ARHGAP12: variants seen among roughly 807,000 people sequenced by gnomAD.
The protein encoded by ARHGAP12 is Rho GTPase activating protein 12.
A neutral mutation model predicts 108.6 loss-of-function variants in ARHGAP12; 64 were observed. That is an observed-to-expected ratio of 0.59 (90% CI 0.48 to 0.73). The LOEUF (loss-of-function observed/expected upper bound fraction) is 0.73, where lower values mean the gene tolerates loss of function less well. ARHGAP12 is among the 30% of genes least tolerant of loss of function. ARHGAP12 has a pLI of 0.00. For synonymous variants in ARHGAP12, 312 were observed against 337.2 expected (o/e 0.93, Z 0.82); for missense variants, 940 against 1,005.9 (o/e 0.93, Z 0.89).
chr10:31,836,936 A>C (rs960413782), intron 9 of ARHGAP12, among the ~76,000 whole-genome samples: 4 of 152,064 alleles, frequency 2.6e-5, no homozygotes, highest in African/African-American at 9.7e-5. Flanking sequence ...TGTTTTTTTC[A>C]CCTAAAGGTA....
At position 31,922,180 on chromosome 10, in the gene ARHGAP12, CAAAAAAAAAAAAAAAAAA is replaced by C. The variant is rs56210740; in HGVS notation, c.-111+6485_-111+6502del. On this transcript the variant is annotated intron_variant, in intron 1 of 19. Transcript: ENST00000344936. ...TGGGAGACAGAGCAAGACCCTGCCTCAAAAAAAAAAAAAAAAAAAAAAAAAAAAAAAAAAAAAAGCACA... is the reference window on the plus strand; with the variant it reads ...TGGGAGACAGAGCAAGACCCTGCCTCAAAAAAAAAAAAAAAAAAAAGCACA... 3.9e-3 allele frequency among the ~76,000 whole-genome samples: 255 copies of C among 66,120 alleles called. 3 individuals are homozygous for C. Among genetic ancestry groups the C allele is most frequent in the African/African-American group, 7.0e-3 (110 of 15,614 alleles). 43.4% of individuals were successfully genotyped at this position (66,120 alleles called of 152,430 possible).
At chr10:31,892,360 A>G (rs1281886962) in intron 3 of ARHGAP12, among the ~76,000 whole-genome samples, 1 of 152,198 alleles carries the variant, frequency 6.6e-6, no homozygotes, top group Non-Finnish European at 1.5e-5. Flanking sequence ...TGTATTCAGG[A>G]GACCCAACTC....
rs372208537 is a variant in ARHGAP12 at position 31,852,516 on chromosome 10, C to T, written c.1170+1G>A. 8 of 1,602,080 alleles carry T rather than the reference C, an allele frequency of 5.0e-6. No individual in the cohort carries two copies. The Admixed American group carries it at 8.3e-5, about 17-fold the overall frequency. On this transcript the variant is annotated splice_donor_variant, in intron 6 of 19. Transcript: ENST00000344936. LOFTEE classifies it high-confidence loss of function. ...AGAAATTCGGTGTCAAGGTTTATTA[C>T]CTTTGGCAATTCCCATTCTGACCGA...
At position 31,807,089 on chromosome 10, in the gene ARHGAP12, C is replaced by T. The variant is rs1834844767; in HGVS notation, c.*569G>A. 1 of 152,566 alleles carries T rather than the reference C, an allele frequency of 6.6e-6. No individual in the cohort carries two copies. The highest frequency in any genetic ancestry group is 1.9e-4 in the East Asian group (1 of 5,202). The allele number at this position is 152,566 out of a possible 1,614,324, so 9.5% of individuals were successfully genotyped here. ...GCAACTAAGATATCCAGTAAGGATG[C>T]TGTGTAACACAGTAAAAGACAGCAA... On this transcript the variant is annotated 3_prime_UTR_variant, in exon 20 of 20. Coordinates refer to ENST00000344936, the MANE Select transcript of ARHGAP12 (RefSeq NM_018287.7).
chr10:31,833,672 G>A (rs974331681), intron 9 of ARHGAP12, among the ~76,000 whole-genome samples: 6 of 152,192 alleles, frequency 3.9e-5, no homozygotes, highest in African/African-American at 7.2e-5. Context: ...CCCATGCAAT[G>A]TGATACATGC....
intron 3 of ARHGAP12, among the ~76,000 whole-genome samples, chr10:31,872,791 C>T (rs148578335): frequency 3.9e-4 from 60 of 152,274 alleles, no homozygotes; most frequent in African/African-American, 1.4e-3. Flanking sequence ...CTCTTAAGTA[C>T]TCCAGTCCCA....
chr10:31,910,179 T>G (rs913985462), intron 2 of ARHGAP12, among the ~76,000 whole-genome samples: 4 of 152,218 alleles, frequency 2.6e-5, no homozygotes, highest in African/African-American at 9.6e-5. Flanking sequence ...GCACTCCAGT[T>G]TGTAGTATTT....
chr10:31,818,787 G>A (rs1265052021), intron 12 of ARHGAP12, among the ~76,000 whole-genome samples: 1 of 152,100 alleles, frequency 6.6e-6, no homozygotes, highest in Non-Finnish European at 1.5e-5. Flanking sequence ...GATGTCACAG[G>A]CTTTTGATAT....
chr10:31,911,596 G>A (rs998547123), intron 1 of ARHGAP12, among the ~76,000 whole-genome samples: 3 of 152,086 alleles, frequency 2.0e-5, no homozygotes, highest in African/African-American at 4.8e-5. Context: ...CTGCAGGCGC[G>A]ACCACACCCA....
Position 31,928,745 on chromosome 10 carries a change from G to C in ARHGAP12, c.-173C>G, listed in dbSNP as rs1840183031. 6.6e-6 allele frequency: 1 copy of C among 151,872 alleles called. No homozygotes were observed. The highest frequency in any genetic ancestry group is 2.4e-5 in the African/African-American group (1 of 41,356). 9.4% of individuals were successfully genotyped at this position (151,872 alleles called of 1,614,324 possible). Reference sequence around the variant, plus strand: ...TTAGTCCGCCCCGCGGCTGCGGGTCGACGACGCGAGCCCGAAGAGCGTTCA... The same window carrying C: ...TTAGTCCGCCCCGCGGCTGCGGGTCCACGACGCGAGCCCGAAGAGCGTTCA... On this transcript the variant is annotated 5_prime_UTR_variant, in exon 1 of 20. Coordinates refer to ENST00000344936, the MANE Select transcript of ARHGAP12 (RefSeq NM_018287.7).
chr10:31,849,518 T>C (rs1836591650), intron 6 of ARHGAP12, among the ~76,000 whole-genome samples: 1 of 152,230 alleles, frequency 6.6e-6, no homozygotes, highest in Admixed American at 6.5e-5. Flanking sequence ...TTGACAGATT[T>C]ATCTTAGACT....
chr10:31,882,157 G>A (rs911710539), intron 3 of ARHGAP12, among the ~76,000 whole-genome samples: 9 of 151,996 alleles, frequency 5.9e-5, no homozygotes, highest in Non-Finnish European at 1.0e-4. Context: ...CTCGTGATCC[G>A]CCCGCCTCGG....
At chr10:31,924,775 A>C (rs1426122624) in intron 1 of ARHGAP12, among the ~76,000 whole-genome samples, 1 of 152,108 alleles carries the variant, frequency 6.6e-6, no homozygotes, top group Non-Finnish European at 1.5e-5. Flanking sequence ...CTAAATTTTA[A>C]ATCTAGGCTT....
At chr10:31,895,038 T>C (rs1360828661) in intron 3 of ARHGAP12, among the ~76,000 whole-genome samples, 3 of 152,104 alleles carry the variant, frequency 2.0e-5, no homozygotes, top group South Asian at 2.1e-4. Context: ...GGAAAACTGG[T>C]TTGCCATATG....
Position 31,814,295 on chromosome 10 carries a change from T to G in ARHGAP12, c.1798A>C (p.Lys600Gln). 1.9e-6 allele frequency: 3 copies of G among 1,614,138 alleles called. No individual in the cohort carries two copies. The highest frequency in any genetic ancestry group is 2.5e-6 in the Non-Finnish European group (3 of 1,179,994). The part of the protein sequence containing the change: ...PDSPGIEKHD[K>Q]EKEQKDPKKL... ...TTGGGATCCTTTTGTTCCTTTTCTT[T>G]ATCATGCTTTTCTATTCCTGGTGAA... is the stretch of plus-strand genomic sequence containing the variant. Residue 600 changes from lysine (K) to glutamine (Q), a missense_variant, in exon 14 of 20, where the codon AAA becomes CAA. Coordinates refer to ENST00000344936, the MANE Select transcript of ARHGAP12 (RefSeq NM_018287.7).
chr10:31,875,002 AT>A (rs374858455), intron 3 of ARHGAP12, among the ~76,000 whole-genome samples: 43 of 135,120 alleles, frequency 3.2e-4, no homozygotes, highest in African/African-American at 5.4e-4. Context: ...AAAAAAAAAA[AT>A]TTTCACACAC....
intron 3 of ARHGAP12, among the ~76,000 whole-genome samples, chr10:31,905,555 C>G (rs887760534): frequency 2.0e-5 from 3 of 151,566 alleles, no homozygotes; most frequent in Non-Finnish European, 4.4e-5. Flanking sequence ...CAGGGGTCGC[C>G]GATAAAGGTA....
chr10:31,853,914 G>T, intron 5 of ARHGAP12, 152 bp downstream of exon 5: 1 of 799,284 alleles, frequency 1.3e-6, no homozygotes, highest in Non-Finnish European at 1.9e-6. Flanking sequence ...TAGTTACACT[G>T]AGTTTTCGTA....
Position 31,809,317 on chromosome 10 carries a change from A to G in ARHGAP12, c.2051-10T>C. ...CCATCAATATCCAAACCTAAGAGAC[A>G]ATAATAATTTGTGTGTGTGTGTGTT... On this transcript the variant is annotated splice_polypyrimidine_tract_variant and intron_variant, in intron 16 of 19. Transcript: ENST00000344936. The G allele has an allele frequency of 6.2e-7, 1 of 1,612,300 alleles. No individual in the cohort carries two copies. Among genetic ancestry groups the G allele is most frequent in the East Asian group, 2.2e-5 (1 of 44,840 alleles).
Sources: gnomAD v4.1 joint callset for allele counts (sites outside exome capture counted in the v4.1 genomes callset) on GRCh38, gnomAD v4.1.1 for gene constraint, MANE v1.5 for transcripts, NCBI Gene and HGNC (gene_info 2026-07-23, HGNC 2026-07-21) for gene names.